Variants in PDE6C observed in about 807,000 individuals in gnomAD.
PDE6C encodes phosphodiesterase 6C, also known as cone cGMP-specific 3',5'-cyclic phosphodiesterase subunit alpha'.
In PDE6C, 75 loss-of-function variants were observed where a neutral mutation model predicts 113.1. The ratio of observed to expected loss-of-function variants is 0.66; its 90% confidence interval spans 0.55 to 0.80. The LOEUF is 0.80. Ranked by LOEUF, PDE6C falls within the 30% of genes least tolerant of loss-of-function variation. The pLI is 0.00. For missense variants in PDE6C, 912 were observed against 1,038.6 expected, an observed-to-expected ratio of 0.88 and a Z score of 1.67; for synonymous variants, 375 against 363.7, an observed-to-expected ratio of 1.03 and a Z score of -0.35.
chr10:93,625,762 C>T (rs777201835), intron 5 of PDE6C, 113 bp downstream of exon 5: 18 of 733,770 alleles, frequency 2.5e-5, no homozygotes, highest in Non-Finnish European at 4.1e-5. Flanking sequence ...GTAGAAACAG[C>T]ACTAGACAAG....
At chr10:93,624,551 T>C (rs2058463304) in intron 4 of PDE6C, among the ~76,000 whole-genome samples, 1 of 152,216 alleles carries the variant, frequency 6.6e-6, no homozygotes, top group Non-Finnish European at 1.5e-5. Flanking sequence ...TTTATATTTC[T>C]TCATATTCAT....
intron 9 of PDE6C, 32 bp downstream of exon 9, chr10:93,634,939 T>C: frequency 6.2e-7 from 1 of 1,610,780 alleles, no homozygotes; most frequent in Non-Finnish European, 8.5e-7. Flanking sequence ...TGGAAGTCAA[T>C]GCAATTCACA....
At chr10:93,630,439 C>T (rs1005364606) in intron 8 of PDE6C, among the ~76,000 whole-genome samples, 2 of 151,486 alleles carry the variant, frequency 1.3e-5, no homozygotes, top group Admixed American at 1.3e-4. Context: ...TCTACCTGCC[C>T]ATCCCTCCTC....
At chr10:93,614,451 C>T (rs1265831355) in intron 1 of PDE6C, among the ~76,000 whole-genome samples, 5 of 152,268 alleles carry the variant, frequency 3.3e-5, no homozygotes, top group Admixed American at 6.5e-5. Context: ...GCTTTTGAGC[C>T]TGACTGCAGC....
At chr10:93,658,593 G>A (rs547836671) in intron 16 of PDE6C, among the ~76,000 whole-genome samples, 69 of 152,066 alleles carry the variant, frequency 4.5e-4, no homozygotes, top group Non-Finnish European at 7.8e-4. Flanking sequence ...TTATAGATGT[G>A]AGCCACTGCA....
intron 8 of PDE6C, among the ~76,000 whole-genome samples, chr10:93,632,619 A>G (rs2058506962): frequency 6.6e-6 from 1 of 152,248 alleles, no homozygotes; most frequent in South Asian, 2.1e-4. Context: ...TGGAAGCTTT[A>G]ACAAATACGC....
At chr10:93,650,327 G>A (rs1589702810) in intron 15 of PDE6C, among the ~76,000 whole-genome samples, 1 of 152,138 alleles carries the variant, frequency 6.6e-6, no homozygotes, top group East Asian at 1.9e-4. Flanking sequence ...GCTGTCTGCA[G>A]CCTCAACCTC....
At chr10:93,636,686 T>G (rs2058533551) in intron 10 of PDE6C, among the ~76,000 whole-genome samples, 2 of 152,072 alleles carry the variant, frequency 1.3e-5, no homozygotes, top group Non-Finnish European at 1.5e-5. Flanking sequence ...TTGAAAAAAG[T>G]CTTCATAATC....
chr10:93,659,459 T>C (rs1301270989), intron 18 of PDE6C, among the ~76,000 whole-genome samples: 1 of 152,162 alleles, frequency 6.6e-6, no homozygotes, highest in Non-Finnish European at 1.5e-5. Flanking sequence ...CCTGTTCTCA[T>C]GCTGCTGCTA....
intron 21 of PDE6C, among the ~76,000 whole-genome samples, chr10:93,664,028 C>CA (rs2058678697): frequency 6.6e-6 from 1 of 152,120 alleles, no homozygotes; most frequent in African/African-American, 2.4e-5. Flanking sequence ...TTTTTCTTAA[C>CA]AAAGTTAAGG....
At chr10:93,632,743 T>C (rs899384096) in intron 8 of PDE6C, among the ~76,000 whole-genome samples, 5 of 152,254 alleles carry the variant, frequency 3.3e-5, no homozygotes, top group African/African-American at 1.2e-4. Flanking sequence ...ATGCAGGCTT[T>C]GCAAGCACTA....
At chr10:93,664,834 G>A (rs1053293364) in intron 21 of PDE6C, among the ~76,000 whole-genome samples, 8 of 152,038 alleles carry the variant, frequency 5.3e-5, no homozygotes, top group African/African-American at 1.9e-4. Context: ...ATGTTAACTG[G>A]CCAACCATTG....
intron 11 of PDE6C, among the ~76,000 whole-genome samples, chr10:93,638,030 T>C (rs2058542167): frequency 6.6e-6 from 1 of 152,204 alleles, no homozygotes; most frequent in Non-Finnish European, 1.5e-5. Flanking sequence ...AGCCCTTGTT[T>C]CTAGAAAGTG....
intron 16 of PDE6C, among the ~76,000 whole-genome samples, chr10:93,657,752 A>C (rs199807204): frequency 7.3e-6 from 1 of 137,700 alleles, no homozygotes; most frequent in Non-Finnish European, 1.6e-5. Flanking sequence ...GTATATATAT[A>C]TGAGAGTTTC....
At position 93,620,769 on chromosome 10, in the gene PDE6C, CA is replaced by C; in HGVS notation, c.621del (p.Lys207AsnfsTer18). 6.2e-7 allele frequency: 1 copy of C among 1,614,104 alleles called. No homozygotes were observed. Among genetic ancestry groups the C allele is most frequent in the Non-Finnish European group, 8.5e-7 (1 of 1,180,014 alleles). On this transcript the variant is annotated frameshift_variant, in exon 2 of 22. Coordinates refer to ENST00000371447, the MANE Select transcript of PDE6C (RefSeq NM_006204.4). LOFTEE classifies it high-confidence loss of function. ...VNKVNASEFS[K>X]QDEEVFSKYL... ...ACAAAGTAAATGCATCTGAATTTTCCAAACAGGATGAAGAGGTAATGCTAAC... is the reference window on the plus strand; with the variant it reads ...ACAAAGTAAATGCATCTGAATTTTCCAACAGGATGAAGAGGTAATGCTAAC...
In PDE6C at chr10:93,647,172, C is replaced by A. The variant is rs146588250; in HGVS notation, c.1935+1125C>A. On this transcript the variant is annotated intron_variant, in intron 15 of 21. Transcript: ENST00000371447. ...CTAATTATACTTTCTTAAGAACGTT[C>A]CAAACCAAAAATGATTAAGGTGAGT... is the stretch of plus-strand genomic sequence containing the variant. Among the ~76,000 whole-genome samples, 104 of 152,166 alleles carry A rather than the reference C, an allele frequency of 6.8e-4. No individual in the cohort carries two copies. In the East Asian group the frequency reaches 0.014, roughly 21 times the overall value.
chr10:93,640,244 G>A, intron 12 of PDE6C, 28 bp downstream of exon 12: 1 of 1,587,706 alleles, frequency 6.3e-7, no homozygotes, highest in South Asian at 1.1e-5. Context: ...TTAAAATACT[G>A]TGTGATTCTG....
intron 19 of PDE6C, among the ~76,000 whole-genome samples, chr10:93,662,357 G>T (rs1383166636): frequency 6.6e-6 from 1 of 151,426 alleles, no homozygotes; most frequent in African/African-American, 2.4e-5. Flanking sequence ...CAGCCACTCG[G>T]GAGGCTGAGA....
At chr10:93,662,690 G>T in intron 20 of PDE6C, 47 bp downstream of exon 20, 1 of 944,896 alleles carries the variant, frequency 1.1e-6, no homozygotes, top group Non-Finnish European at 1.7e-6. Context: ...ATTTGGATGA[G>T]AAATTTTCTT....
Sources: gnomAD v4.1 joint callset for allele counts (sites outside exome capture counted in the v4.1 genomes callset) on GRCh38, gnomAD v4.1.1 for gene constraint, MANE v1.5 for transcripts, NCBI Gene and HGNC (gene_info 2026-07-23, HGNC 2026-07-21) for gene names.